Variants in TXNDC12 observed in about 807,000 individuals in gnomAD.
TXNDC12 encodes thioredoxin domain containing 12.
Under a neutral mutation model 24.2 loss-of-function variants are expected in TXNDC12, and 22 were observed. That is an observed-to-expected ratio of 0.91 (90% confidence interval 0.65 to 1.30). TXNDC12 has a LOEUF of 1.30. Ranked by LOEUF, TXNDC12 falls within the 50% of genes most tolerant of loss-of-function variation. The probability of loss-of-function intolerance (pLI) is 0.00; values close to 1 mark genes in which losing one functional copy is unlikely to be tolerated. For missense variants in TXNDC12, 184 were observed against 205.8 expected (o/e 0.89, Z 0.65); for synonymous variants, 58 against 73.4 (o/e 0.79, Z 1.07).
chr1:52,043,448 AGCT>A (rs1222074758), intron 1 of TXNDC12, among the ~76,000 whole-genome samples: 1 of 152,248 alleles, frequency 6.6e-6, no homozygotes, highest in Non-Finnish European at 1.5e-5. Flanking sequence ...TCATAATGCT[AGCT>A]GCTGTTTACT....
intron 1 of TXNDC12, among the ~76,000 whole-genome samples, chr1:52,054,157 A>AT (rs1686275136): frequency 6.6e-6 from 1 of 152,150 alleles, no homozygotes; most frequent in Non-Finnish European, 1.5e-5. Flanking sequence ...AATAGAGAGG[A>AT]TAAGAGAAAA....
At chr1:52,031,462 T>C (rs1382907571) in intron 2 of TXNDC12, among the ~76,000 whole-genome samples, 1 of 151,686 alleles carries the variant, frequency 6.6e-6, no homozygotes, top group Non-Finnish European at 1.5e-5. Flanking sequence ...CCAGCCTAAT[T>C]CTATCTTTTA....
At chr1:52,032,363 G>A (rs1398335666) in intron 2 of TXNDC12, 9 of 1,087,140 alleles carry the variant, frequency 8.3e-6, no homozygotes, top group Non-Finnish European at 1.0e-5. Flanking sequence ...TATCCAGTCT[G>A]CTCTCCCACG....
At chr1:52,044,008 T>C (rs78776893) in intron 1 of TXNDC12, 2 of 152,176 alleles carry the variant, frequency 1.3e-5, no homozygotes, top group African/African-American at 4.8e-5. Flanking sequence ...GAGTGAGTGA[T>C]TGAGAATGAA....
chr1:52,032,828 G>T (rs1258184747), intron 2 of TXNDC12: 2 of 1,614,178 alleles, frequency 1.2e-6, no homozygotes, highest in Non-Finnish European at 1.7e-6. Context: ...ATGGTCAAGG[G>T]CCGGGTAAAC....
chr1:52,032,686 ACC>A, intron 2 of TXNDC12: 11 of 1,573,590 alleles, frequency 7.0e-6, no homozygotes, highest in Admixed American at 5.7e-5. Context: ...CTTCCCCCCT[ACC>A]TCCTCTGGTC....
intron 1 of TXNDC12, among the ~76,000 whole-genome samples, chr1:52,051,453 G>A (rs1427294651): frequency 6.6e-6 from 1 of 152,092 alleles, no homozygotes; most frequent in Admixed American, 6.6e-5. Context: ...TTGGCTCACT[G>A]CAACCTCCGC....
At position 52,055,140 on chromosome 1, in the gene TXNDC12, C is replaced by T; in HGVS notation, c.-44G>A. The T allele has an allele frequency of 7.1e-7, 1 of 1,407,986 alleles. No individual in the cohort carries two copies. Among genetic ancestry groups the T allele is most frequent in the Non-Finnish European group, 1.0e-6 (1 of 993,986 alleles). 87.2% of individuals were successfully genotyped at this position (1,407,986 alleles called of 1,614,324 possible). ...CCACGGGGCTGAGCGGACGCAGGGC[C>T]GGAGTCCCAGCAGACGGTCCACACA... On this transcript the variant is annotated 5_prime_UTR_variant, in exon 1 of 7. Transcript: ENST00000371626.
In TXNDC12 at chr1:52,023,580, A is replaced by G. The variant is rs748319569; in HGVS notation, c.356-6T>C. On this transcript the variant is annotated splice_polypyrimidine_tract_variant and splice_region_variant and intron_variant, in intron 5 of 6. Coordinates refer to ENST00000371626, the MANE Select transcript of TXNDC12 (RefSeq NM_015913.4). ...ATGCACCTTGCCACTGGGATCTGTT[A>G]TAGACAAAATGACACAGAGTTTTGC... The G allele has an allele frequency of 5.6e-6, 9 of 1,610,636 alleles. No homozygotes were observed. The African/African-American group carries it at 1.2e-4, about 22-fold the overall frequency.
chr1:52,055,367 C>G (rs937479763), upstream of TXNDC12: 1 of 434,984 alleles, frequency 2.3e-6, no homozygotes, highest in Non-Finnish European at 4.3e-6. Context: ...TCTGGGTGTC[C>G]AGGTCCCGGG....
intron 2 of TXNDC12, 151 bp from the exon 3 acceptor site, chr1:52,028,781 CAA>C: frequency 2.8e-6 from 2 of 709,922 alleles, no homozygotes; most frequent in Non-Finnish European, 4.8e-6. Flanking sequence ...ATTGCTGTAA[CAA>C]AATTATTGTT....
intron 2 of TXNDC12, among the ~76,000 whole-genome samples, chr1:52,039,943 GT>G (rs1685955541): frequency 6.6e-6 from 1 of 150,408 alleles, no homozygotes; most frequent in Non-Finnish European, 1.5e-5. Flanking sequence ...TTTTATTTTT[GT>G]TTTTTAAGAC....
At chr1:52,032,922 T>G in intron 2 of TXNDC12, 1 of 1,609,348 alleles carries the variant, frequency 6.2e-7, no homozygotes, top group Non-Finnish European at 8.5e-7. Context: ...CGGCCAGTAC[T>G]TGACTCGTGA....
intron 2 of TXNDC12, chr1:52,033,428 C>A (rs1685817107): frequency 6.2e-7 from 1 of 1,610,278 alleles, no homozygotes; most frequent in African/African-American, 1.3e-5. Flanking sequence ...GCGATCGGGC[C>A]GCCGGGCCGT....
chr1:52,052,628 G>A (rs747542871), intron 1 of TXNDC12: 8 of 157,870 alleles, frequency 5.1e-5, no homozygotes, highest in Non-Finnish European at 7.3e-5. Context: ...TTCCCAGTGT[G>A]CCTTGTTTGA....
chr1:52,033,126 T>A, intron 2 of TXNDC12: 1 of 1,614,028 alleles, frequency 6.2e-7, no homozygotes, highest in Non-Finnish European at 8.5e-7. Context: ...AGCGCAGCGT[T>A]AGGGCCTCCA....
intron 3 of TXNDC12, among the ~76,000 whole-genome samples, chr1:52,028,117 G>A (rs1476879614): frequency 6.6e-6 from 1 of 151,948 alleles, no homozygotes; most frequent in Admixed American, 6.6e-5. Flanking sequence ...GAGCCACTGC[G>A]CCTGGTCTTT....
Position 52,028,772 on chromosome 1 carries a change from T to C in TXNDC12, c.159-142A>G, listed in dbSNP as rs548105496. 2.8e-5 allele frequency: 20 copies of C among 719,702 alleles called. No individual in the cohort carries two copies. In the Admixed American group the frequency reaches 3.5e-4, roughly 13 times the overall value. The allele number at this position is 719,702 out of a possible 1,614,324, so 44.6% of individuals were successfully genotyped here. ...ACAAATGTTCAATAATAATAGATAA[T>C]TGCTGTAACAAAATTATTGTTAAGT... is the stretch of plus-strand genomic sequence containing the variant. On this transcript the variant is annotated intron_variant, in intron 2 of 6. Coordinates refer to ENST00000371626, the MANE Select transcript of TXNDC12 (RefSeq NM_015913.4).
chr1:52,035,380 G>T (rs1409504913), intron 2 of TXNDC12, among the ~76,000 whole-genome samples: 8 of 152,152 alleles, frequency 5.3e-5, no homozygotes, highest in African/African-American at 1.9e-4. Flanking sequence ...TATTTCACAG[G>T]TTTACCAATC....
Sources: allele counts gnomAD v4.1 joint callset (sites outside exome capture counted in the v4.1 genomes callset), GRCh38; gene constraint gnomAD v4.1.1; transcripts MANE v1.5; gene names NCBI Gene and HGNC (gene_info 2026-07-23, HGNC 2026-07-21).